The following PSD3 variants were observed in gnomAD, a reference collection of about 807,000 sequenced individuals.
PSD3 encodes the protein pleckstrin and Sec7 domain containing 3.
Under a neutral mutation model 105.5 loss-of-function variants are expected in PSD3, and 49 were observed. The ratio of observed to expected loss-of-function variants is 0.46; its 90% CI spans 0.37 to 0.59. The LOEUF (loss-of-function observed/expected upper bound fraction) is 0.59, where lower values mean the gene tolerates loss of function less well. Among genes scored for constraint, PSD3 ranks in the 20% least tolerant of loss-of-function variants. PSD3 has a pLI of 0.00. For missense variants in PSD3, 1,561 were observed against 1,263.8 expected, an observed-to-expected ratio of 1.24 and a Z score of -3.57; for synonymous variants, 557 against 457.8, an observed-to-expected ratio of 1.22 and a Z score of -2.77.
chr8:18,678,840 C>A (rs1392780492), intron 9 of PSD3, among the ~76,000 whole-genome samples: 1 of 152,084 alleles, frequency 6.6e-6, no homozygotes, highest in Admixed American at 6.6e-5. Context: ...TTCCTTCTTG[C>A]ACCTCTCATC....
intron 1 of PSD3, among the ~76,000 whole-genome samples, chr8:18,948,737 G>A (rs1430135134): frequency 2.0e-5 from 3 of 152,056 alleles, no homozygotes; most frequent in East Asian, 1.9e-4. Context: ...GGTATCTTTG[G>A]TCATTTCAGA....
chr8:18,859,114 T>C (rs2129454815), intron 4 of PSD3, among the ~76,000 whole-genome samples: 1 of 152,326 alleles, frequency 6.6e-6, no homozygotes, highest in Admixed American at 6.5e-5. Context: ...AGAATGGATA[T>C]TGTGTTGGCG....
At chr8:18,655,547 AT>A (rs1307445288) in intron 10 of PSD3, 94 bp downstream of exon 10, 1 of 1,217,494 alleles carries the variant, frequency 8.2e-7, no homozygotes. Context: ...GGCAATGCAT[AT>A]TTAATCCTTC....
chr8:18,961,086 T>G (rs904233705), intron 1 of PSD3, among the ~76,000 whole-genome samples: 9 of 152,098 alleles, frequency 5.9e-5, no homozygotes, highest in African/African-American at 2.2e-4. Flanking sequence ...AGTGAGACCC[T>G]GTCTCCAAAA....
In PSD3 at chr8:18,530,671, A is replaced by G. The variant is rs1799597418; in HGVS notation, c.*5072T>C. On this transcript the variant is annotated 3_prime_UTR_variant, in exon 16 of 16. Coordinates refer to ENST00000327040, the MANE Select transcript of PSD3 (RefSeq NM_015310.4). ...TGCTCTTAATACTAAAGTTACTAAG[A>G]CTGCACAGGCTGCCTTTTTTTTTTT... The G allele has an allele frequency of 6.6e-6, 1 of 150,438 alleles. No homozygotes were observed. Among genetic ancestry groups the G allele is most frequent in the African/African-American group, 2.4e-5 (1 of 40,994 alleles). The allele number at this position is 150,438 out of a possible 1,614,324, so 9.3% of individuals were successfully genotyped here.
Position 18,528,483 on chromosome 8 carries a change from G to C in PSD3, c.*7260C>G, listed in dbSNP as rs539311242. Reference sequence around the variant, plus strand: ...TCGGAGTTGATACCTTGCCTCAGCAGGGTCACGCTATCAGGACACCTGGAT... The same window carrying C: ...TCGGAGTTGATACCTTGCCTCAGCACGGTCACGCTATCAGGACACCTGGAT... On this transcript the variant is annotated 3_prime_UTR_variant, in exon 16 of 16. Transcript: ENST00000327040. 1.3e-5 allele frequency: 2 copies of C among 152,256 alleles called. 1 individual carries two copies. The highest frequency in any genetic ancestry group is 3.8e-4 in the East Asian group (2 of 5,198). 9.4% of individuals were successfully genotyped at this position (152,256 alleles called of 1,614,324 possible).
chr8:18,614,034 C>G (rs996083395), intron 11 of PSD3, among the ~76,000 whole-genome samples: 2 of 152,194 alleles, frequency 1.3e-5, no homozygotes, highest in African/African-American at 4.8e-5. Flanking sequence ...TCTGTGTCTC[C>G]TGAATTATAA....
rs534435877 is a variant in PSD3, at chr8:18,588,928, T to C, written c.2481+11436A>G. 1.6e-4 allele frequency among the ~76,000 whole-genome samples: 24 copies of C among 152,116 alleles called. No individual in the cohort carries two copies. The South Asian group carries it at 4.8e-3, about 30-fold the overall frequency. On this transcript the variant is annotated intron_variant, in intron 12 of 15. Coordinates refer to ENST00000327040, the MANE Select transcript of PSD3 (RefSeq NM_015310.4). ...TTCCCAGGCCCACCCTGAGATGGAG[T>C]GGGTGGAAATCCGGTGGCTAGGTAT...
At chr8:18,881,360 A>G (rs1818090412) in intron 2 of PSD3, among the ~76,000 whole-genome samples, 1 of 152,194 alleles carries the variant, frequency 6.6e-6, no homozygotes, top group Non-Finnish European at 1.5e-5. Context: ...AAATTGTGAG[A>G]AAATAAGCCT....
At position 19,073,095 on chromosome 8, in the gene PSD3, G is replaced by T. The variant is rs557467057; in HGVS notation, c.324+11111C>A. 2.6e-5 allele frequency among the ~76,000 whole-genome samples: 4 copies of T among 152,142 alleles called. No homozygotes were observed. In the South Asian group the frequency reaches 8.3e-4, roughly 32 times the overall value. ...TATACCTGCTATACTTGTAATTCAT[G>T]AATAACTTATTTTGTTCTTTTTCTT... is the stretch of plus-strand genomic sequence containing the variant. On this transcript the variant is annotated intron_variant, in intron 1 of 1. Coordinates refer to the PSD3 transcript ENST00000521475.
chr8:18,788,969 C>T (rs572859914), intron 8 of PSD3, among the ~76,000 whole-genome samples: 1 of 152,236 alleles, frequency 6.6e-6, no homozygotes. Context: ...ACCAGGACTA[C>T]AGTGGATATT....
intron 4 of PSD3, among the ~76,000 whole-genome samples, chr8:18,812,767 A>C (rs1316969925): frequency 6.6e-6 from 1 of 152,162 alleles, no homozygotes; most frequent in Non-Finnish European, 1.5e-5. Context: ...GATTTCAGGA[A>C]AGACACGTGC....
At chr8:18,602,801 T>C (rs898681298) in intron 11 of PSD3, among the ~76,000 whole-genome samples, 2 of 152,152 alleles carry the variant, frequency 1.3e-5, no homozygotes, top group Non-Finnish European at 2.9e-5. Context: ...AGTGCCGCTG[T>C]TGCCACTGGA....
intron 1 of PSD3, among the ~76,000 whole-genome samples, chr8:18,943,768 C>T (rs577935004): frequency 6.6e-5 from 10 of 152,072 alleles, no homozygotes; most frequent in Non-Finnish European, 1.3e-4. Flanking sequence ...GCCTAGGGGA[C>T]ACCACACACT....
At chr8:18,992,307 C>G (rs1359295037) in intron 1 of PSD3, among the ~76,000 whole-genome samples, 1 of 63,904 alleles carries the variant, frequency 1.6e-5, no homozygotes, top group Non-Finnish European at 5.3e-5. Flanking sequence ...GTTAGTGATA[C>G]TTAAAAAAAA....
intron 4 of PSD3, among the ~76,000 whole-genome samples, chr8:18,833,659 G>A (rs1404138523): frequency 1.3e-5 from 2 of 152,100 alleles, no homozygotes; most frequent in Non-Finnish European, 2.9e-5. Flanking sequence ...TATCTAGACA[G>A]CATTTAGTTA....
intron 4 of PSD3, among the ~76,000 whole-genome samples, chr8:18,858,585 T>C (rs747709965): frequency 1.4e-4 from 21 of 152,158 alleles, no homozygotes; most frequent in Non-Finnish European, 2.8e-4. Context: ...AAGTCAATCC[T>C]CTCAAACCTT....
intron 2 of PSD3, among the ~76,000 whole-genome samples, chr8:18,875,826 G>A (rs1817701093): frequency 6.6e-6 from 1 of 152,094 alleles, no homozygotes; most frequent in African/African-American, 2.4e-5. Context: ...CGTGAGCCAT[G>A]GCGCCTGGCC....
intron 8 of PSD3, among the ~76,000 whole-genome samples, chr8:18,771,930 T>C (rs1807578030): frequency 6.6e-6 from 1 of 152,262 alleles, no homozygotes; most frequent in African/African-American, 2.4e-5. Context: ...TTCTACTTTC[T>C]GTTTATATGA....
Sources: allele counts gnomAD v4.1 joint callset (sites outside exome capture counted in the v4.1 genomes callset), GRCh38; gene constraint gnomAD v4.1.1; transcripts MANE v1.5; gene names NCBI Gene and HGNC (gene_info 2026-07-23, HGNC 2026-07-21).